CDKAL1: variants seen among roughly 807,000 people sequenced by gnomAD.
CDKAL1 encodes threonylcarbamoyladenosine tRNA methylthiotransferase.
A neutral mutation model predicts 68.2 loss-of-function variants in CDKAL1; 32 were observed. The ratio of observed to expected loss-of-function variants is 0.47; its 90% CI spans 0.35 to 0.63. The LOEUF (loss-of-function observed/expected upper bound fraction) is 0.63, where lower values mean the gene tolerates loss of function less well. Among genes scored for constraint, CDKAL1 ranks in the 30% least tolerant of loss-of-function variants. The pLI is 0.00. For synonymous variants in CDKAL1, 234 were observed against 244.3 expected, an observed-to-expected ratio of 0.96 and a Z score of 0.39; for missense variants, 606 against 696.7, an observed-to-expected ratio of 0.87 and a Z score of 1.47.
At chr6:21,199,849 A>T (rs1309941953) in intron 14 of CDKAL1, among the ~76,000 whole-genome samples, 1 of 152,126 alleles carries the variant, frequency 6.6e-6, no homozygotes, top group African/African-American at 2.4e-5. Context: ...GTAATTCACC[A>T]CCCAGGTGAC....
chr6:20,824,757 A>G (rs1193650533), intron 8 of CDKAL1, among the ~76,000 whole-genome samples: 1 of 152,186 alleles, frequency 6.6e-6, no homozygotes, highest in Non-Finnish European at 1.5e-5. Flanking sequence ...CGTAGGGGGA[A>G]AGGATTCCGC....
At chr6:20,768,470 A>T (rs1774796947) in intron 7 of CDKAL1, among the ~76,000 whole-genome samples, 1 of 152,176 alleles carries the variant, frequency 6.6e-6, no homozygotes, top group African/African-American at 2.4e-5. Context: ...GCCAGATTTT[A>T]CTTTTTCTTT....
intron 11 of CDKAL1, among the ~76,000 whole-genome samples, chr6:21,054,422 C>A (rs1360527379): frequency 1.3e-5 from 2 of 151,670 alleles, no homozygotes; most frequent in Non-Finnish European, 2.9e-5. Context: ...CAAAATTGTT[C>A]TGATTATTTC....
chr6:20,758,200 T>C (rs1198810036), intron 6 of CDKAL1, among the ~76,000 whole-genome samples: 3 of 152,228 alleles, frequency 2.0e-5, no homozygotes, highest in African/African-American at 4.8e-5. Flanking sequence ...ATCTCCTTAA[T>C]ACTAGCATGT....
intron 2 of CDKAL1, among the ~76,000 whole-genome samples, chr6:20,543,713 T>A (rs921372477): frequency 6.6e-6 from 1 of 151,736 alleles, no homozygotes; most frequent in African/African-American, 2.4e-5. Flanking sequence ...TCTAAAAGTT[T>A]TATAATATTA....
chr6:20,868,871 G>A (rs1760045783), intron 9 of CDKAL1, among the ~76,000 whole-genome samples: 1 of 152,264 alleles, frequency 6.6e-6, no homozygotes, highest in Admixed American at 6.5e-5. Context: ...AAAATGAAAG[G>A]GATTGATACT....
chr6:20,741,558 G>A (rs116368950), intron 6 of CDKAL1, among the ~76,000 whole-genome samples: 7,859 of 152,108 alleles, frequency 0.052, 288 homozygotes, highest in Non-Finnish European at 0.071. Flanking sequence ...AAATGAGAAT[G>A]TATGGTATTT....
At chr6:20,702,396 T>C (rs1057249177) in intron 5 of CDKAL1, among the ~76,000 whole-genome samples, 1 of 152,198 alleles carries the variant, frequency 6.6e-6, no homozygotes, top group African/African-American at 2.4e-5. Context: ...GACAGAGGGC[T>C]TTCTGTATCC....
intron 9 of CDKAL1, among the ~76,000 whole-genome samples, chr6:20,928,115 G>A (rs1423910452): frequency 6.6e-6 from 1 of 152,162 alleles, no homozygotes; most frequent in African/African-American, 2.4e-5. Flanking sequence ...TATGACTCTT[G>A]TAGTACTTAA....
chr6:21,114,492 G>A (rs1319627506), intron 13 of CDKAL1, among the ~76,000 whole-genome samples: 1 of 152,048 alleles, frequency 6.6e-6, no homozygotes, highest in African/African-American at 2.4e-5. Context: ...CAGTAATTTG[G>A]GAGACTGTGG....
intron 5 of CDKAL1, among the ~76,000 whole-genome samples, chr6:20,700,154 AT>A (rs982744610): frequency 6.6e-6 from 1 of 151,326 alleles, no homozygotes; most frequent in Non-Finnish European, 1.5e-5. Flanking sequence ...AACTGAATTT[AT>A]TTTTTCCACC....
chr6:21,140,910 C>T (rs1242527150), intron 13 of CDKAL1, among the ~76,000 whole-genome samples: 1 of 152,184 alleles, frequency 6.6e-6, no homozygotes, highest in Non-Finnish European at 1.5e-5. Context: ...GCACTTCTTA[C>T]ATGGCGGCGC....
chr6:20,781,319 GT>G (rs898429100), intron 8 of CDKAL1, 54 bp downstream of exon 8: 41 of 1,463,010 alleles, frequency 2.8e-5, no homozygotes, highest in South Asian at 5.5e-5. Context: ...CATGAATTCA[GT>G]TTTTTTTTCT....
intron 9 of CDKAL1, among the ~76,000 whole-genome samples, chr6:20,867,515 G>A (rs2150534260): frequency 6.6e-6 from 1 of 152,292 alleles, no homozygotes; most frequent in East Asian, 1.9e-4. Context: ...CTTTATAGTT[G>A]CAGCCCAGAC....
chr6:20,864,727 G>T lies in CDKAL1; in HGVS notation c.742+18549G>T, dbSNP rs955029517. On this transcript the variant is annotated intron_variant, in intron 9 of 15. Transcript: ENST00000274695. ...ATGGTATTTCTCAAATTGAATATCA[G>T]CTATTTCTTGACATTTTATGATGTA... is the stretch of plus-strand genomic sequence containing the variant. 3.3e-5 allele frequency among the ~76,000 whole-genome samples: 5 copies of T among 152,184 alleles called. No individual in the cohort carries two copies. The South Asian group carries it at 1.0e-3, about 32-fold the overall frequency.
intron 15 of CDKAL1, among the ~76,000 whole-genome samples, chr6:21,216,766 C>T (rs1490221436): frequency 6.6e-6 from 1 of 152,176 alleles, no homozygotes; most frequent in Non-Finnish European, 1.5e-5. Flanking sequence ...TTGACCAACC[C>T]TTCCCCAACC....
chr6:21,193,211 G>A (rs918812854), intron 13 of CDKAL1, among the ~76,000 whole-genome samples: 1 of 152,136 alleles, frequency 6.6e-6, no homozygotes, highest in South Asian at 2.1e-4. Context: ...TTTCCTGGCA[G>A]GTACTGTATT....
intron 2 of CDKAL1, among the ~76,000 whole-genome samples, chr6:20,545,335 T>C (rs1262143592): frequency 1.3e-5 from 2 of 151,760 alleles, no homozygotes; most frequent in African/African-American, 2.4e-5. Flanking sequence ...CTTTTAATTA[T>C]AAAAATTTTG....
At chr6:20,982,532 C>G (rs1358022454) in intron 10 of CDKAL1, among the ~76,000 whole-genome samples, 1 of 151,276 alleles carries the variant, frequency 6.6e-6, no homozygotes, top group African/African-American at 2.4e-5. Flanking sequence ...ACAAAGAGAG[C>G]ACTGCAAAGC....
Sources: allele counts gnomAD v4.1 joint callset (sites outside exome capture counted in the v4.1 genomes callset), GRCh38; gene constraint gnomAD v4.1.1; transcripts MANE v1.5; gene names NCBI Gene and HGNC (gene_info 2026-07-23, HGNC 2026-07-21).